Variants in TMEM184C observed in about 807,000 individuals in gnomAD.
TMEM184C encodes the protein transmembrane protein 34.
Under a neutral mutation model 54.5 loss-of-function variants are expected in TMEM184C, and 25 were observed. The ratio of observed to expected loss-of-function variants is 0.46; its 90% confidence interval spans 0.33 to 0.64. The LOEUF (loss-of-function observed/expected upper bound fraction) is 0.64. Ranked by LOEUF, TMEM184C falls within the 30% of genes least tolerant of loss-of-function variation. TMEM184C has a pLI of 0.02. For missense variants in TMEM184C, 335 were observed against 520.3 expected (o/e 0.64, Z 3.46); for synonymous variants, 148 against 181.5 (o/e 0.82, Z 1.49).
chr4:147,626,416 T>C (rs529235952), intron 4 of TMEM184C, among the ~76,000 whole-genome samples: 1 of 152,310 alleles, frequency 6.6e-6, no homozygotes, highest in South Asian at 2.1e-4. Flanking sequence ...GTCTCAGTCA[T>C]AATTTTGCAA....
chr4:147,629,534 C>G (rs1160502157), intron 5 of TMEM184C, 65 bp from the exon 6 acceptor site: 4 of 1,167,824 alleles, frequency 3.4e-6, no homozygotes, highest in Non-Finnish European at 5.0e-6. Context: ...TTAAGTATTG[C>G]TATTGCTGTA....
chr4:147,630,038 T>C (rs1732887435), intron 6 of TMEM184C, among the ~76,000 whole-genome samples: 1 of 151,422 alleles, frequency 6.6e-6, no homozygotes, highest in Non-Finnish European at 1.5e-5. Flanking sequence ...CGCCCACATA[T>C]ACTGAACATA....
intron 3 of TMEM184C, 55 bp from the exon 4 acceptor site, chr4:147,624,749 G>A (rs1055092776): frequency 5.9e-6 from 9 of 1,534,602 alleles, no homozygotes; most frequent in Middle Eastern, 1.7e-4. Context: ...TGAATGGAGT[G>A]GTGATTCATT....
At chr4:147,625,120 AATAAGT>A in intron 4 of TMEM184C, 111 bp downstream of exon 4, 1 of 1,036,010 alleles carries the variant, frequency 9.7e-7, no homozygotes, top group East Asian at 2.5e-5. Flanking sequence ...ATAGCAGAAC[AATAAGT>A]ATAAGACAGC....
At chr4:147,630,224 C>T (rs570550330) in intron 6 of TMEM184C, among the ~76,000 whole-genome samples, 1 of 151,914 alleles carries the variant, frequency 6.6e-6, no homozygotes. Context: ...GATGTAATGT[C>T]CTATTTGATC....
rs142326705 is a variant in TMEM184C, at chr4:147,629,906, G to T, written c.666+214G>T. 4.6e-3 allele frequency among the ~76,000 whole-genome samples: 696 copies of T among 150,676 alleles called. 4 individuals carry two copies. The highest frequency in any genetic ancestry group is 0.016 in the African/African-American group (664 of 41,174). On this transcript the variant is annotated intron_variant, in intron 6 of 9. Coordinates refer to ENST00000296582, the MANE Select transcript of TMEM184C (RefSeq NM_018241.3). ...TAATAACATCTTTGTTTATTATTTG[G>T]CAACTTATACCCTCACATGTTGACC...
chr4:147,618,881 G>C (rs1353422337), intron 1 of TMEM184C, among the ~76,000 whole-genome samples: 1 of 152,090 alleles, frequency 6.6e-6, no homozygotes, highest in Non-Finnish European at 1.5e-5. Context: ...TTGTTTGTTT[G>C]TTTATGAGAC....
In TMEM184C at chr4:147,634,566, T is replaced by C. The variant is rs1158023060; in HGVS notation, c.*132T>C. 1 of 975,222 alleles carries C rather than the reference T, an allele frequency of 1.0e-6. No homozygotes were observed. The highest frequency in any genetic ancestry group is 1.5e-6 in the Non-Finnish European group (1 of 667,222). 60.4% of individuals were successfully genotyped at this position (975,222 alleles called of 1,614,324 possible). ...AAAATAGCTGAAAGCCAGGTACAAC[T>C]ACTGCATTTATATATGTAAGTTTTG... On this transcript the variant is annotated 3_prime_UTR_variant, in exon 10 of 10. Coordinates refer to ENST00000296582, the MANE Select transcript of TMEM184C (RefSeq NM_018241.3).
At chr4:147,621,928 T>C (rs1277454303) in intron 1 of TMEM184C, among the ~76,000 whole-genome samples, 1 of 152,182 alleles carries the variant, frequency 6.6e-6, no homozygotes, top group Non-Finnish European at 1.5e-5. Context: ...TTCTAGTTTT[T>C]GGAACTAAAG....
chr4:147,620,742 A>G (rs1243158599), intron 1 of TMEM184C, among the ~76,000 whole-genome samples: 1 of 152,210 alleles, frequency 6.6e-6, no homozygotes, highest in Non-Finnish European at 1.5e-5. Context: ...TGTTTGAACA[A>G]CTGTGTAAAT....
chr4:147,633,698 A>C, intron 8 of TMEM184C, 67 bp from the exon 9 acceptor site: 1 of 1,298,064 alleles, frequency 7.7e-7, no homozygotes, highest in Non-Finnish European at 1.0e-6. Flanking sequence ...CAAGTAGAGA[A>C]AGATAGCACT....
chr4:147,620,224 C>T (rs1424303415), intron 1 of TMEM184C, among the ~76,000 whole-genome samples: 3 of 152,142 alleles, frequency 2.0e-5, no homozygotes, highest in Non-Finnish European at 4.4e-5. Flanking sequence ...TTTACTTTTT[C>T]CATAGGACTT....
At chr4:147,619,654 T>C (rs922832395) in intron 1 of TMEM184C, among the ~76,000 whole-genome samples, 9 of 152,182 alleles carry the variant, frequency 5.9e-5, no homozygotes, top group Non-Finnish European at 1.0e-4. Flanking sequence ...CCGTGGAGTA[T>C]AGTATAGGAA....
At chr4:147,631,901 C>T (rs192961502) in intron 7 of TMEM184C, among the ~76,000 whole-genome samples, 27 of 152,078 alleles carry the variant, frequency 1.8e-4, no homozygotes, top group Non-Finnish European at 3.1e-4. Flanking sequence ...TAAAGAGGGC[C>T]GGGCACAGTG....
chr4:147,621,341 G>A (rs1006668208), intron 1 of TMEM184C, among the ~76,000 whole-genome samples: 4 of 151,876 alleles, frequency 2.6e-5, no homozygotes, highest in Non-Finnish European at 5.9e-5. Flanking sequence ...GTCTTTAAGG[G>A]TTTTTTCTTT....
intron 5 of TMEM184C, 100 bp downstream of exon 5, chr4:147,628,535 T>C (rs1732854690): frequency 2.1e-6 from 2 of 933,484 alleles, no homozygotes; most frequent in Admixed American, 2.2e-5. Flanking sequence ...TTATTTATAA[T>C]GCAGGTCTAG....
At chr4:147,631,712 T>C (rs1014029165) in intron 7 of TMEM184C, among the ~76,000 whole-genome samples, 1 of 152,116 alleles carries the variant, frequency 6.6e-6, no homozygotes, top group South Asian at 2.1e-4. Flanking sequence ...AGAAAATAGT[T>C]TGAGACAACC....
chr4:147,634,985 G>A lies in TMEM184C; in HGVS notation c.*551G>A, dbSNP rs1359423279. 6.6e-6 allele frequency: 1 copy of A among 152,372 alleles called. No homozygotes were observed. Among genetic ancestry groups the A allele is most frequent in the Non-Finnish European group, 1.5e-5 (1 of 68,320 alleles). 9.4% of individuals were successfully genotyped at this position (152,372 alleles called of 1,614,324 possible). On this transcript the variant is annotated 3_prime_UTR_variant, in exon 10 of 10. Coordinates refer to ENST00000296582, the MANE Select transcript of TMEM184C (RefSeq NM_018241.3). Reference sequence around the variant, plus strand: ...GATCCGCCGACCTCGGCCTCCCAAAGTGCTGGAATTACAGGCGTGAGCCAC... The same window carrying A: ...GATCCGCCGACCTCGGCCTCCCAAAATGCTGGAATTACAGGCGTGAGCCAC...
intron 8 of TMEM184C, 77 bp downstream of exon 8, chr4:147,633,079 C>T: frequency 4.8e-6 from 6 of 1,239,408 alleles, no homozygotes; most frequent in Non-Finnish European, 7.1e-6. Context: ...CTAAACCTGA[C>T]AACACACAGG....
Sources: allele counts gnomAD v4.1 joint callset (sites outside exome capture counted in the v4.1 genomes callset), GRCh38; gene constraint gnomAD v4.1.1; transcripts MANE v1.5; gene names NCBI Gene and HGNC (gene_info 2026-07-23, HGNC 2026-07-21).